GRIP2: variants seen among roughly 807,000 people sequenced by gnomAD.
GRIP2 encodes glutamate receptor interacting protein 2.
GRIP2 carries 58 observed loss-of-function variants against 108.3 expected under a neutral mutation model. The ratio of observed to expected loss-of-function variants is 0.54; its 90% CI spans 0.43 to 0.67. The LOEUF (loss-of-function observed/expected upper bound fraction) is 0.67, where lower values mean the gene tolerates loss of function less well. Among genes scored for constraint, GRIP2 ranks in the 30% least tolerant of loss-of-function variants. GRIP2 has a pLI of 0.00. For missense variants in GRIP2, 1,278 were observed against 1,430.6 expected, an observed-to-expected ratio of 0.89 and a Z score of 1.72; for synonymous variants, 586 against 598.2, an observed-to-expected ratio of 0.98 and a Z score of 0.30.
At chr3:14,594,105 G>C in the GRIP2 span, among the ~76,000 whole-genome samples, 3 of 152,220 alleles carry the variant, frequency 2.0e-5, no homozygotes, top group African/African-American at 7.2e-5. Context: ...CTGTGCCTGG[G>C]ATGGCCCTGA....
chr3:14,597,968 G>T, the GRIP2 span, among the ~76,000 whole-genome samples: 1 of 152,170 alleles, frequency 6.6e-6, no homozygotes, highest in Non-Finnish European at 1.5e-5. Context: ...AAGTCTAACT[G>T]GTCCTCTGTA....
the GRIP2 span, chr3:14,573,350 C>A: frequency 7.4e-7 from 1 of 1,355,174 alleles, no homozygotes; most frequent in South Asian, 1.2e-5. Flanking sequence ...CTATGTGGTG[C>A]CACCCTGCCA....
At chr3:14,534,757 G>C (rs897063815) in intron 1 of GRIP2, among the ~76,000 whole-genome samples, 1 of 152,284 alleles carries the variant, frequency 6.6e-6, no homozygotes, top group Non-Finnish European at 1.5e-5. Flanking sequence ...CAGCCGGGGT[G>C]GGTGGCCTTC....
intron 3 of GRIP2, 36 bp downstream of exon 3, chr3:14,525,400 AC>A (rs1694525647): frequency 1.0e-5 from 16 of 1,604,000 alleles, no homozygotes; most frequent in Non-Finnish European, 1.2e-5. Context: ...TTGCCTCTGC[AC>A]CCCCCTCCTG....
At chr3:14,535,284 C>T (rs1694808742) in intron 1 of GRIP2, among the ~76,000 whole-genome samples, 1 of 152,166 alleles carries the variant, frequency 6.6e-6, no homozygotes, top group African/African-American at 2.4e-5. Context: ...GATTCTAAAT[C>T]GGCTGCCAAC....
the GRIP2 span, chr3:14,574,311 C>G: frequency 1.0e-6 from 1 of 1,000,984 alleles, no homozygotes; most frequent in Non-Finnish European, 1.6e-6. Context: ...CCCATACAGC[C>G]GCTTCTCCCG....
the GRIP2 span, among the ~76,000 whole-genome samples, chr3:14,592,866 T>C: frequency 2.6e-5 from 4 of 152,200 alleles, no homozygotes; most frequent in East Asian, 7.7e-4. Context: ...GCCACAATGC[T>C]GCTGCTGTCT....
chr3:14,567,290 G>C, the GRIP2 span, among the ~76,000 whole-genome samples: 1 of 152,106 alleles, frequency 6.6e-6, no homozygotes, highest in African/African-American at 2.4e-5. Context: ...GAAGGGAGCA[G>C]GCCCCTAAGA....
chr3:14,534,526 GTT>G (rs61276571), intron 1 of GRIP2, among the ~76,000 whole-genome samples: 1 of 148,864 alleles, frequency 6.7e-6, no homozygotes, highest in Non-Finnish European at 1.5e-5. Context: ...TTTTATCCAT[GTT>G]TTTTTTTTTC....
upstream of GRIP2, among the ~76,000 whole-genome samples, chr3:14,558,777 AG>A (rs1695276971): frequency 6.6e-6 from 1 of 152,156 alleles, no homozygotes; most frequent in Admixed American, 6.5e-5. Flanking sequence ...CACAGGCCTC[AG>A]GGCCCACTGC....
chr3:14,569,969 C>T, the GRIP2 span, among the ~76,000 whole-genome samples: 1 of 152,166 alleles, frequency 6.6e-6, no homozygotes, highest in Non-Finnish European at 1.5e-5. Context: ...CCCAATTTTA[C>T]AGTGGAGGAA....
chr3:14,554,468 G>T (rs1695202683), intron 1 of GRIP2, among the ~76,000 whole-genome samples: 1 of 152,156 alleles, frequency 6.6e-6, no homozygotes, highest in Non-Finnish European at 1.5e-5. Context: ...AGTGTCTCCT[G>T]CGGGGGTGGT....
At position 14,519,997 on chromosome 3, in the gene GRIP2, G is replaced by A. The variant is rs1694358651; in HGVS notation, c.1030+113C>T. On this transcript the variant is annotated intron_variant, in intron 9 of 23. Transcript: ENST00000621039. The stretch of plus-strand genomic sequence containing the variant: ...AGCTTCCCTGGGCAAATGAGGATTT[G>A]TCCTAGTACATTTTAGCCTGCTCCT... The A allele has an allele frequency of 4.9e-6, 5 of 1,028,786 alleles. No homozygotes were observed. In the South Asian group the frequency reaches 6.7e-5, roughly 14 times the overall value. 63.7% of individuals were successfully genotyped at this position (1,028,786 alleles called of 1,614,324 possible). A position where few individuals can be genotyped will look rare whatever the true frequency, so the allele number is the denominator to read the frequency against.
At chr3:14,594,736 G>C in the GRIP2 span, among the ~76,000 whole-genome samples, 1 of 152,236 alleles carries the variant, frequency 6.6e-6, no homozygotes, top group East Asian at 1.9e-4. Flanking sequence ...CCCCTTAGCT[G>C]CTGTGTGCCC....
At chr3:14,510,657 C>G (rs1432988755) in intron 16 of GRIP2, among the ~76,000 whole-genome samples, 4 of 152,210 alleles carry the variant, frequency 2.6e-5, no homozygotes, top group Non-Finnish European at 5.9e-5. Flanking sequence ...GATTTGGAGG[C>G]TGCCCCTTTG....
the GRIP2 span, among the ~76,000 whole-genome samples, chr3:14,578,765 A>T: frequency 2.7e-5 from 4 of 149,674 alleles, no homozygotes; most frequent in Admixed American, 6.7e-5. Context: ...TTTCTCCCTT[A>T]TTTGTCAGGT....
chr3:14,545,377 A>G (rs992264461), upstream of GRIP2, among the ~76,000 whole-genome samples: 3 of 152,190 alleles, frequency 2.0e-5, no homozygotes, highest in African/African-American at 7.2e-5. Context: ...GCCCCGAGAA[A>G]TGCACACACC....
chr3:14,504,897 C>T lies in GRIP2; in HGVS notation c.2573+718G>A, dbSNP rs181815363. Among the ~76,000 whole-genome samples the T allele has an allele frequency of 1.4e-3, 210 of 151,584 alleles. 1 individual carries two copies. The highest frequency in any genetic ancestry group is 9.6e-4 in the Non-Finnish European group (65 of 68,020). The stretch of plus-strand genomic sequence containing the variant: ...GGCCACGCGTGGAGCTGGGGTGCCA[C>T]GCAGTAGAGATGATAGCCAAGTAAT... On this transcript the variant is annotated intron_variant, in intron 20 of 23. Transcript: ENST00000621039.
chr3:14,503,477 G>A (rs1693823932), intron 21 of GRIP2, 89 bp downstream of exon 21: 1 of 863,972 alleles, frequency 1.2e-6, no homozygotes, highest in African/African-American at 1.7e-5. Context: ...TGAGCATGAT[G>A]CCATCAGCAT....
Sources: gnomAD v4.1 joint callset for allele counts (sites outside exome capture counted in the v4.1 genomes callset) on GRCh38, gnomAD v4.1.1 for gene constraint, MANE v1.5 for transcripts, NCBI Gene and HGNC (gene_info 2026-07-23, HGNC 2026-07-21) for gene names.